The following PAXBP1 variants were observed in gnomAD, a reference collection of about 807,000 sequenced individuals.
The protein encoded by PAXBP1 is PAX3- and PAX7-binding protein 1.
In PAXBP1, 44 loss-of-function variants were observed where a neutral mutation model predicts 119.9. The observed-to-expected ratio is 0.37, with a 90% CI of 0.29 to 0.47. PAXBP1 has a LOEUF of 0.47. Ranked by LOEUF, PAXBP1 falls within the 20% of genes least tolerant of loss-of-function variation. The pLI is 0.99. For missense variants in PAXBP1, 898 were observed against 1,134.1 expected (o/e 0.79, Z 2.99); for synonymous variants, 393 against 406.6 (o/e 0.97, Z 0.40).
chr21:32,738,386 T>C (rs1019297147), intron 15 of PAXBP1, 67 bp from the exon 16 acceptor site: 15 of 1,305,104 alleles, frequency 1.1e-5, no homozygotes, highest in Admixed American at 7.4e-5. Context: ...ATAAGTTACA[T>C]AGTAAAACAC....
intron 17 of PAXBP1, among the ~76,000 whole-genome samples, chr21:32,736,023 A>G (rs558180461): frequency 6.6e-4 from 101 of 152,366 alleles, no homozygotes; most frequent in African/African-American, 2.4e-3. Context: ...ACTTCCAAAC[A>G]GAAACACTGT....
chr21:32,763,332 G>C (rs2044181890), intron 3 of PAXBP1, among the ~76,000 whole-genome samples: 1 of 151,924 alleles, frequency 6.6e-6, no homozygotes, highest in Admixed American at 6.6e-5. Flanking sequence ...CCTAAATGTT[G>C]CTCATTGCAA....
At chr21:32,766,752 G>A (rs1030346367) in intron 2 of PAXBP1, among the ~76,000 whole-genome samples, 1 of 152,232 alleles carries the variant, frequency 6.6e-6, no homozygotes, top group African/African-American at 2.4e-5. Flanking sequence ...AGCAAAAGAT[G>A]TTCCTTCTTC....
intron 2 of PAXBP1, among the ~76,000 whole-genome samples, chr21:32,766,003 C>T (rs755252418): frequency 2.2e-4 from 33 of 152,154 alleles, no homozygotes; most frequent in Middle Eastern, 6.8e-3. Context: ...GGCTTGGTGG[C>T]GCACACCTGT....
At chr21:32,747,947 A>AT (rs757138549) in intron 11 of PAXBP1, among the ~76,000 whole-genome samples, 2,552 of 140,260 alleles carry the variant, frequency 0.018, 64 homozygotes, top group African/African-American at 0.055. Context: ...ACCACAGCTA[A>AT]TTTTTTTTTT....
intron 10 of PAXBP1, among the ~76,000 whole-genome samples, chr21:32,749,659 T>A (rs74729572): frequency 0.025 from 3,768 of 151,958 alleles, 61 homozygotes; most frequent in Non-Finnish European, 0.038. Flanking sequence ...TGAAACAGCA[T>A]CCTGTATAAA....
At chr21:32,761,748 T>G (rs1189177488) in intron 4 of PAXBP1, among the ~76,000 whole-genome samples, 1 of 151,744 alleles carries the variant, frequency 6.6e-6, no homozygotes, top group Non-Finnish European at 1.5e-5. Flanking sequence ...TCCCAGCACT[T>G]TGGGAGGCTG....
chr21:32,768,092 T>C (rs2044273673), intron 2 of PAXBP1, among the ~76,000 whole-genome samples: 1 of 152,246 alleles, frequency 6.6e-6, no homozygotes, highest in Admixed American at 6.5e-5. Flanking sequence ...TAATTGCCAT[T>C]GTAACGTTAT....
rs1188298266 is a variant in PAXBP1, at chr21:32,734,567, TC to T, written c.*382del. On this transcript the variant is annotated 3_prime_UTR_variant, in exon 18 of 18. Transcript: ENST00000331923. ...GATAATTTTCTGCTGTTAAAAGGCTTCCTCTGTGGAAAAACACCACAAATTT... is the reference window on the plus strand; with the variant it reads ...GATAATTTTCTGCTGTTAAAAGGCTTCTCTGTGGAAAAACACCACAAATTT... 2 of 200,088 alleles carry T rather than the reference TC, an allele frequency of 1.0e-5. No individual in the cohort carries two copies. The highest frequency in any genetic ancestry group is 2.0e-5 in the Non-Finnish European group (2 of 98,978). The allele number at this position is 200,088 out of a possible 1,614,324, so 12.4% of individuals were successfully genotyped here.
At chr21:32,750,881 C>T in intron 10 of PAXBP1, 36 bp downstream of exon 10, 1 of 1,490,638 alleles carries the variant, frequency 6.7e-7, no homozygotes, top group South Asian at 1.2e-5. Context: ...AGAAACTAAA[C>T]TGATGATGAG....
intron 8 of PAXBP1, among the ~76,000 whole-genome samples, chr21:32,753,441 A>C (rs1011967327): frequency 5.3e-5 from 8 of 150,494 alleles, no homozygotes; most frequent in African/African-American, 7.5e-5. Flanking sequence ...AAAAAAAAAA[A>C]AAAAAACATT....
rs772500683 is a variant in PAXBP1 at position 32,771,700 on chromosome 21, C to T, written c.-32G>A. 12 of 1,354,640 alleles carry T rather than the reference C, an allele frequency of 8.9e-6. No homozygotes were observed. The highest frequency in any genetic ancestry group is 1.1e-5 in the Non-Finnish European group (12 of 1,054,358). The allele number at this position is 1,354,640 out of a possible 1,614,324, so 83.9% of individuals were successfully genotyped here. On this transcript the variant is annotated 5_prime_UTR_variant, in exon 1 of 18. Coordinates refer to ENST00000331923, the MANE Select transcript of PAXBP1 (RefSeq NM_016631.4). ...GGCCCGCACGGCGGTCGAATACTCG[C>T]TTCCACACCGCGGCCCCGGCAGCGC... is the stretch of plus-strand genomic sequence containing the variant.
chr21:32,737,865 G>T lies in PAXBP1; in HGVS notation c.2481+308C>A, dbSNP rs895178323. On this transcript the variant is annotated intron_variant, in intron 16 of 17. Coordinates refer to ENST00000331923, the MANE Select transcript of PAXBP1 (RefSeq NM_016631.4). ...GGAAGTCGAGTTGGCCCAGACTGAG[G>T]TTAAGATAATAAGGTTATTATTCTG... Among the ~76,000 whole-genome samples, 2 of 152,010 alleles carry T rather than the reference G, an allele frequency of 1.3e-5. 1 individual carries two copies. The highest frequency in any genetic ancestry group is 4.2e-4 in the South Asian group (2 of 4,810).
intron 17 of PAXBP1, 31 bp from the exon 18 acceptor site, chr21:32,735,098 T>A: frequency 6.1e-6 from 9 of 1,465,792 alleles, no homozygotes; most frequent in Non-Finnish European, 8.5e-6. Flanking sequence ...AGCATCTCAT[T>A]AATTAGTATA....
intron 13 of PAXBP1, among the ~76,000 whole-genome samples, chr21:32,744,291 A>C (rs969745027): frequency 2.1e-5 from 3 of 144,314 alleles, no homozygotes; most frequent in South Asian, 2.3e-4. Flanking sequence ...AAAAAAAAGG[A>C]GGGGGGCGGG....
rs557245223 is a variant in PAXBP1, at chr21:32,749,038, T to C, written c.1724-340A>G. ...AGTAATTGTGCCGCTAGCTTTTTAGTTCACAGATCACTGCACAGATTAACA... is the reference window on the plus strand; with the variant it reads ...AGTAATTGTGCCGCTAGCTTTTTAGCTCACAGATCACTGCACAGATTAACA... On this transcript the variant is annotated intron_variant, in intron 10 of 17. Transcript: ENST00000331923. 2.0e-3 allele frequency among the ~76,000 whole-genome samples: 305 copies of C among 152,308 alleles called. 1 individual carries two copies. Among genetic ancestry groups the C allele is most frequent in the Non-Finnish European group, 3.2e-3 (217 of 68,032 alleles).
chr21:32,740,275 G>A (rs1440934172), intron 15 of PAXBP1, among the ~76,000 whole-genome samples: 1 of 152,192 alleles, frequency 6.6e-6, no homozygotes, highest in Admixed American at 6.5e-5. Flanking sequence ...GCTTTGAGCT[G>A]TCTCCACCTT....
intron 15 of PAXBP1, among the ~76,000 whole-genome samples, chr21:32,741,893 G>A (rs1014664539): frequency 3.9e-5 from 6 of 152,108 alleles, no homozygotes; most frequent in South Asian, 2.1e-4. Flanking sequence ...TGTTTTCTGA[G>A]TCCCAAGAGA....
chr21:32,737,217 CA>C, intron 17 of PAXBP1, 36 bp downstream of exon 17: 1 of 1,425,644 alleles, frequency 7.0e-7, no homozygotes, highest in Non-Finnish European at 9.3e-7. Context: ...GGCAACTAAA[CA>C]ACTCTAGATT....
Sources: gnomAD v4.1 joint callset for allele counts (sites outside exome capture counted in the v4.1 genomes callset) on GRCh38, gnomAD v4.1.1 for gene constraint, MANE v1.5 for transcripts, NCBI Gene and HGNC (gene_info 2026-07-23, HGNC 2026-07-21) for gene names.